LRP12: variants seen among roughly 807,000 people sequenced by gnomAD.
The protein encoded by LRP12 is LDL receptor related protein 12.
LRP12 carries 14 observed loss-of-function variants against 66.0 expected under a neutral mutation model. That is an observed-to-expected ratio of 0.21 (90% CI 0.14 to 0.33). The LOEUF is 0.33. LRP12 is among the 10% of genes least tolerant of loss of function. LRP12 has a pLI of 1.00. For synonymous variants in LRP12, 357 were observed against 359.1 expected (o/e 0.99, Z 0.07); for missense variants, 889 against 1,053.4 (o/e 0.84, Z 2.16).
intron 1 of LRP12, among the ~76,000 whole-genome samples, chr8:104,551,131 A>G (rs1284226009): frequency 6.6e-6 from 1 of 152,130 alleles, no homozygotes; most frequent in Non-Finnish European, 1.5e-5. Flanking sequence ...AAATACATAC[A>G]GTTTCTGAAA....
chr8:104,507,173 C>A (rs1810922797), intron 3 of LRP12: 1 of 152,104 alleles, frequency 6.6e-6, no homozygotes. Flanking sequence ...TAAAACTTGT[C>A]TTTGTGTATA....
intron 1 of LRP12, among the ~76,000 whole-genome samples, chr8:104,545,060 G>C (rs1056409740): frequency 1.3e-5 from 2 of 152,154 alleles, no homozygotes; most frequent in Admixed American, 1.3e-4. Context: ...CCTAACAGGA[G>C]CTTGGATGAA....
intron 1 of LRP12, among the ~76,000 whole-genome samples, chr8:104,567,265 G>A (rs1191916937): frequency 6.6e-6 from 1 of 152,194 alleles, no homozygotes; most frequent in Non-Finnish European, 1.5e-5. Flanking sequence ...CCACATGGCT[G>A]TGGAGACCTC....
intron 2 of LRP12, among the ~76,000 whole-genome samples, chr8:104,526,236 C>A (rs372305806): frequency 1.7e-4 from 26 of 151,954 alleles, no homozygotes; most frequent in South Asian, 1.7e-3. Flanking sequence ...GAATCAATAT[C>A]ATGAAAATGG....
Position 104,589,156 on chromosome 8 carries a change from C to A in LRP12, c.-259G>T, listed in dbSNP as rs903074575. On this transcript the variant is annotated 5_prime_UTR_variant, in exon 1 of 7. Transcript: ENST00000276654. ...CCACGCGGGGCGGCCCTCCTGGGGG[C>A]AAGGGCAAGGAGCTCGCGCGCCAGC... 1.1e-5 allele frequency: 2 copies of A among 175,110 alleles called. No homozygotes were observed. The highest frequency in any genetic ancestry group is 2.4e-5 in the African/African-American group (1 of 42,014). The allele number at this position is 175,110 out of a possible 1,614,324, so 10.8% of individuals were successfully genotyped here.
intron 1 of LRP12, among the ~76,000 whole-genome samples, chr8:104,563,755 G>C (rs766236298): frequency 2.0e-5 from 3 of 152,078 alleles, no homozygotes; most frequent in Non-Finnish European, 4.4e-5. Context: ...CATTGTCTAT[G>C]AATCAGAAAG....
chr8:104,510,113 T>A (rs933955137), intron 2 of LRP12, among the ~76,000 whole-genome samples: 1 of 152,254 alleles, frequency 6.6e-6, no homozygotes, highest in African/African-American at 2.4e-5. Flanking sequence ...TATCATAAAC[T>A]ACCTTTCCAA....
At chr8:104,492,080 T>G (rs1024865474) in intron 6 of LRP12, among the ~76,000 whole-genome samples, 6 of 152,088 alleles carry the variant, frequency 3.9e-5, no homozygotes, top group Non-Finnish European at 8.8e-5. Context: ...ATTTGCTGAA[T>G]GGATACTGAG....
At chr8:104,534,187 CATATT>C (rs1346198449) in intron 1 of LRP12, among the ~76,000 whole-genome samples, 1 of 151,496 alleles carries the variant, frequency 6.6e-6, no homozygotes, top group Admixed American at 6.6e-5. Flanking sequence ...GATAGATACA[CATATT>C]AAATTAAAAA....
At chr8:104,547,566 A>G (rs1588500132) in intron 1 of LRP12, among the ~76,000 whole-genome samples, 1 of 124,214 alleles carries the variant, frequency 8.1e-6, no homozygotes, top group African/African-American at 3.1e-5. Flanking sequence ...ATTATATATT[A>G]ATAATTATTA....
intron 1 of LRP12, among the ~76,000 whole-genome samples, chr8:104,572,041 T>G (rs1458209507): frequency 6.6e-6 from 1 of 152,208 alleles, no homozygotes; most frequent in Admixed American, 6.5e-5. Flanking sequence ...CTTCAATAGG[T>G]GAACTGATAA....
chr8:104,536,937 G>A (rs145225082), intron 1 of LRP12, among the ~76,000 whole-genome samples: 1,703 of 151,952 alleles, frequency 0.011, 17 homozygotes, highest in Middle Eastern at 0.092. Flanking sequence ...CATGGCAGAA[G>A]ACCCCATTTT....
At chr8:104,581,023 G>A (rs1470955622) in intron 1 of LRP12, among the ~76,000 whole-genome samples, 1 of 152,114 alleles carries the variant, frequency 6.6e-6, no homozygotes, top group Admixed American at 6.5e-5. Flanking sequence ...ACAAAGACAT[G>A]GAATTAACCT....
At chr8:104,562,185 T>A (rs1030866509) in intron 1 of LRP12, among the ~76,000 whole-genome samples, 7 of 152,184 alleles carry the variant, frequency 4.6e-5, no homozygotes, top group Admixed American at 3.9e-4. Flanking sequence ...GCCCATCTTA[T>A]ATTTTTGATG....
At chr8:104,577,844 G>A (rs1213231506) in intron 1 of LRP12, among the ~76,000 whole-genome samples, 1 of 149,702 alleles carries the variant, frequency 6.7e-6, no homozygotes, top group African/African-American at 2.4e-5. Context: ...GAAAGTTCTT[G>A]GAAACCAATG....
At chr8:104,572,904 TTAA>T (rs1198813327) in intron 1 of LRP12, among the ~76,000 whole-genome samples, 2 of 152,116 alleles carry the variant, frequency 1.3e-5, no homozygotes, top group East Asian at 3.8e-4. Flanking sequence ...AATAAAAGAA[TTAA>T]TAAAATAAAG....
chr8:104,584,982 T>TA (rs1437992844), intron 1 of LRP12, among the ~76,000 whole-genome samples: 2 of 152,210 alleles, frequency 1.3e-5, no homozygotes, highest in African/African-American at 2.4e-5. Context: ...ATATGCAAAG[T>TA]AAAAAGATTA....
chr8:104,546,136 G>C (rs913952476), intron 1 of LRP12, among the ~76,000 whole-genome samples: 9 of 152,160 alleles, frequency 5.9e-5, no homozygotes, highest in African/African-American at 2.2e-4. Context: ...GGGACAGTAA[G>C]AGACTAGCGA....
intron 2 of LRP12, among the ~76,000 whole-genome samples, chr8:104,525,243 A>G (rs1399385997): frequency 6.6e-6 from 1 of 152,150 alleles, no homozygotes; most frequent in East Asian, 1.9e-4. Flanking sequence ...CTGAACCAAG[A>G]AAAGTTCTAA....
Sources: gnomAD v4.1 joint callset for allele counts (sites outside exome capture counted in the v4.1 genomes callset) on GRCh38, gnomAD v4.1.1 for gene constraint, MANE v1.5 for transcripts, NCBI Gene and HGNC (gene_info 2026-07-23, HGNC 2026-07-21) for gene names.